The following CTNNA2 variants were observed in gnomAD, a reference collection of about 807,000 sequenced individuals.
CTNNA2 encodes catenin alpha-2.
A neutral mutation model predicts 101.0 loss-of-function variants in CTNNA2; 42 were observed. The ratio of observed to expected loss-of-function variants is 0.42; its 90% CI spans 0.32 to 0.54. The LOEUF (loss-of-function observed/expected upper bound fraction) is 0.54. Ranked by LOEUF, CTNNA2 falls within the 20% of genes least tolerant of loss-of-function variation. CTNNA2 has a pLI of 0.14. For synonymous variants in CTNNA2, 450 were observed against 456.4 expected, an observed-to-expected ratio of 0.99 and a Z score of 0.18; for missense variants, 871 against 1,223.1, an observed-to-expected ratio of 0.71 and a Z score of 4.29.
chr2:79,353,889 T>C (rs1298634294), intron 3 of CTNNA2, among the ~76,000 whole-genome samples: 2 of 152,150 alleles, frequency 1.3e-5, no homozygotes, highest in African/African-American at 4.8e-5. Context: ...TAGTGTTTGC[T>C]TGCTTGTCTG....
At chr2:79,375,038 TG>T (rs1033305791) in intron 4 of CTNNA2, among the ~76,000 whole-genome samples, 1 of 152,210 alleles carries the variant, frequency 6.6e-6, no homozygotes, top group Non-Finnish European at 1.5e-5. Context: ...TGCTCATTTT[TG>T]GAACATCCTA....
chr2:79,773,107 T>C (rs1409576347), intron 3 of CTNNA2, among the ~76,000 whole-genome samples: 2 of 152,136 alleles, frequency 1.3e-5, no homozygotes, highest in Non-Finnish European at 2.9e-5. Context: ...GAAACAGCCA[T>C]GAAGACTAGA....
At chr2:79,541,317 C>A (rs1219521868) in intron 1 of CTNNA2, among the ~76,000 whole-genome samples, 1 of 117,552 alleles carries the variant, frequency 8.5e-6, no homozygotes, top group Non-Finnish European at 1.9e-5. Flanking sequence ...TATATGTACA[C>A]ACAGATATCC....
In CTNNA2 at chr2:79,887,908, C is replaced by T. The variant is rs554734970; in HGVS notation, c.852+13566C>T. Among the ~76,000 whole-genome samples, 13 of 152,194 alleles carry T rather than the reference C, an allele frequency of 8.5e-5. No homozygotes were observed. The South Asian group carries it at 1.0e-3, about 12-fold the overall frequency. ...CTTTCTAACTGGAAACAAGCAGGAG[C>T]GTTCCAGCATTCTTTATCCTACACT... is the stretch of plus-strand genomic sequence containing the variant. On this transcript the variant is annotated intron_variant, in intron 6 of 18. Transcript: ENST00000402739.
chr2:79,467,534 A>G (rs1670952339), intron 4 of CTNNA2, among the ~76,000 whole-genome samples: 2 of 152,154 alleles, frequency 1.3e-5, no homozygotes, highest in African/African-American at 2.4e-5. Context: ...GAATGCCACA[A>G]AGATACTCCT....
chr2:80,285,058 T>G (rs1397239002), intron 7 of CTNNA2, among the ~76,000 whole-genome samples: 1 of 152,112 alleles, frequency 6.6e-6, no homozygotes, highest in Non-Finnish European at 1.5e-5. Context: ...CTTTCTTTTT[T>G]TTTCTGGAAG....
chr2:79,748,490 C>G lies in CTNNA2; in HGVS notation c.298+3908C>G, dbSNP rs183144430. Among the ~76,000 whole-genome samples, 14 of 152,214 alleles carry G rather than the reference C, an allele frequency of 9.2e-5. 2 individuals are homozygous for G. The highest frequency in any genetic ancestry group is 2.9e-4 in the African/African-American group (12 of 41,538). The stretch of plus-strand genomic sequence containing the variant: ...GTGGGAATGAAATCTGTTAGTTTTA[C>G]TATTGCATTGTTTTTGTTTTTATTA... On this transcript the variant is annotated intron_variant, in intron 3 of 18. Transcript: ENST00000402739.
chr2:80,625,458 A>G (rs770389456), intron 18 of CTNNA2, among the ~76,000 whole-genome samples: 1 of 152,044 alleles, frequency 6.6e-6, no homozygotes, highest in Non-Finnish European at 1.5e-5. Flanking sequence ...GGAGGTCACA[A>G]AGTCAGTGTT....
chr2:80,399,823 C>T (rs1045768518), intron 8 of CTNNA2, among the ~76,000 whole-genome samples: 3 of 152,212 alleles, frequency 2.0e-5, no homozygotes, highest in African/African-American at 7.2e-5. Context: ...AATGCCATCA[C>T]ATTTTTCAGC....
At chr2:79,886,703 A>G (rs1467962734) in intron 6 of CTNNA2, among the ~76,000 whole-genome samples, 1 of 118,938 alleles carries the variant, frequency 8.4e-6, no homozygotes, top group Admixed American at 1.0e-4. Flanking sequence ...GTGAGCTGAG[A>G]TCACGCCACT....
At chr2:80,562,883 A>T (rs765073780) in intron 12 of CTNNA2, among the ~76,000 whole-genome samples, 10 of 152,144 alleles carry the variant, frequency 6.6e-5, no homozygotes, top group Non-Finnish European at 1.2e-4. Flanking sequence ...AGAGAAAGTA[A>T]GATACAAAAT....
chr2:79,391,935 C>T (rs1573143595), intron 4 of CTNNA2, among the ~76,000 whole-genome samples: 2 of 152,166 alleles, frequency 1.3e-5, no homozygotes, highest in East Asian at 3.9e-4. Flanking sequence ...TTGCTGCATC[C>T]TCACACATAA....
chr2:79,937,926 G>A (rs1687898478), intron 7 of CTNNA2, among the ~76,000 whole-genome samples: 1 of 152,132 alleles, frequency 6.6e-6, no homozygotes, highest in Non-Finnish European at 1.5e-5. Flanking sequence ...CATGCCTTTC[G>A]AGATTCATTC....
intron 3 of CTNNA2, among the ~76,000 whole-genome samples, chr2:79,789,006 AAT>A (rs112838953): frequency 0.02 from 3,055 of 152,332 alleles, 97 homozygotes; most frequent in African/African-American, 0.069. Flanking sequence ...AGCTGTTAAA[AAT>A]AGTAATAGCT....
intron 3 of CTNNA2, among the ~76,000 whole-genome samples, chr2:79,803,051 A>T (rs543552454): frequency 2.0e-5 from 3 of 152,354 alleles, no homozygotes; most frequent in Non-Finnish European, 4.4e-5. Flanking sequence ...TAATTGTGTT[A>T]TATTGGTATT....
intron 7 of CTNNA2, among the ~76,000 whole-genome samples, chr2:80,320,551 GA>G: frequency 6.6e-6 from 1 of 152,310 alleles, no homozygotes; most frequent in African/African-American, 2.4e-5. Flanking sequence ...GCCATGTGGA[GA>G]AACCCTTACT....
At chr2:80,539,725 A>G (rs752239862) in intron 9 of CTNNA2, among the ~76,000 whole-genome samples, 1 of 152,218 alleles carries the variant, frequency 6.6e-6, no homozygotes, top group Non-Finnish European at 1.5e-5. Context: ...AGAAGTTAAG[A>G]AGGAGAGCTT....
At chr2:79,707,245 T>C (rs1314441671) in intron 2 of CTNNA2, among the ~76,000 whole-genome samples, 1 of 152,120 alleles carries the variant, frequency 6.6e-6, no homozygotes, top group Non-Finnish European at 1.5e-5. Context: ...CTAAATGCCT[T>C]TGTGCACACC....
intron 7 of CTNNA2, among the ~76,000 whole-genome samples, chr2:79,919,594 C>T (rs1299452030): frequency 2.6e-5 from 4 of 152,154 alleles, no homozygotes; most frequent in Non-Finnish European, 5.9e-5. Context: ...TTGATCTTCT[C>T]GGAAGAGGCT....
Sources: allele counts gnomAD v4.1 joint callset (sites outside exome capture counted in the v4.1 genomes callset), GRCh38; gene constraint gnomAD v4.1.1; transcripts MANE v1.5; gene names NCBI Gene and HGNC (gene_info 2026-07-23, HGNC 2026-07-21).